The following GSE1 variants were observed in gnomAD, a reference collection of about 807,000 sequenced individuals.
GSE1 encodes the protein genetic suppressor element 1.
GSE1 carries 32 observed loss-of-function variants against 112.6 expected under a neutral mutation model. That is an observed-to-expected ratio of 0.28 (90% CI 0.21 to 0.38). The LOEUF (loss-of-function observed/expected upper bound fraction) is 0.38, where lower values mean the gene tolerates loss of function less well. Among genes scored for constraint, GSE1 ranks in the 10% least tolerant of loss-of-function variants. GSE1 has a pLI of 1.00. For synonymous variants in GSE1, 1,115 were observed against 735.6 expected, an observed-to-expected ratio of 1.52 and a Z score of -8.35; for missense variants, 2,348 against 1,699.2, an observed-to-expected ratio of 1.38 and a Z score of -6.71.
chr16:85,312,389 C>A (rs1053678784), intron 1 of GSE1, among the ~76,000 whole-genome samples: 13 of 152,168 alleles, frequency 8.5e-5, no homozygotes, highest in African/African-American at 4.8e-5. Context: ...GGCTCGGGGA[C>A]CCGTCCTGCC....
intron 1 of GSE1, among the ~76,000 whole-genome samples, chr16:85,284,591 A>T (rs1353333690): frequency 6.6e-6 from 1 of 152,202 alleles, no homozygotes; most frequent in East Asian, 1.9e-4. Flanking sequence ...CTCGGTGCAG[A>T]TGCTGTATTC....
chr16:85,669,550 C>T (rs1275484999), intron 14 of GSE1, among the ~76,000 whole-genome samples: 1 of 152,154 alleles, frequency 6.6e-6, no homozygotes, highest in East Asian at 1.9e-4. Flanking sequence ...GCACCACCCC[C>T]TACATGTTGC....
intron 1 of GSE1, among the ~76,000 whole-genome samples, chr16:85,584,526 C>A (rs972128567): frequency 1.3e-5 from 2 of 152,218 alleles, no homozygotes; most frequent in African/African-American, 4.8e-5. Flanking sequence ...CAGGATGCTG[C>A]TTTGAGAACG....
intron 2 of GSE1, among the ~76,000 whole-genome samples, chr16:85,367,286 C>T (rs1392029989): frequency 1.7e-4 from 26 of 152,216 alleles, no homozygotes; most frequent in Admixed American, 1.7e-3. Context: ...TCTGACCGAG[C>T]TCTGATTGTC....
chr16:85,556,358 T>TA lies in GSE1; in HGVS notation c.33dup (p.Pro12ThrfsTer65), dbSNP rs1411114952. ...GGATTGAAGCCGCCTCTGTATTACT[T>TA]ACCAGGTAAGCGAGCCGTGCGCCTC... On this transcript the variant is annotated frameshift_variant, in exon 1 of 3. Transcript: ENST00000635906. LOFTEE classifies it high-confidence loss of function. The TA allele has an allele frequency of 1.0e-6, 1 of 984,400 alleles. No individual in the cohort carries two copies. The highest frequency in any genetic ancestry group is 1.2e-6 in the Non-Finnish European group (1 of 829,440). The allele number at this position is 984,400 out of a possible 1,614,324, so 61.0% of individuals were successfully genotyped here.
Position 85,373,235 on chromosome 16 carries a change from C to T in GSE1, c.2464+15592C>T, listed in dbSNP as rs1030603706. 6.6e-6 allele frequency among the ~76,000 whole-genome samples: 1 copy of T among 152,172 alleles called. No homozygotes were observed. Among genetic ancestry groups the T allele is most frequent in the African/African-American group, 2.4e-5 (1 of 41,446 alleles). On this transcript the variant is annotated intron_variant, in intron 2 of 2. Transcript: ENST00000637419. This position sits in a 1 kb window ranked among gnomAD's most constrained non-coding sequence, Gnocchi z 5.1. ...AGGCCCAGCTGCCTCGAGGTGCTCC[C>T]AGGGATGGATCGCTCCATGCTGGGA...
At chr16:85,445,623 T>G (rs891408407) in intron 2 of GSE1, among the ~76,000 whole-genome samples, 1 of 152,212 alleles carries the variant, frequency 6.6e-6, no homozygotes, top group Admixed American at 6.5e-5. Context: ...GATTGCAGTT[T>G]GGGAGCAGCC....
In GSE1 at chr16:85,469,963, G is replaced by A. The variant is rs150993582; in HGVS notation, c.2464+112320G>A. On this transcript the variant is annotated intron_variant, in intron 2 of 2. Coordinates refer to the GSE1 transcript ENST00000637419. Reference sequence around the variant, plus strand: ...GACCCCATCCTCACTGTGGTTCCCCGCAGTGGCAACCGTGGAAATGGAGGG... The same window carrying A: ...GACCCCATCCTCACTGTGGTTCCCCACAGTGGCAACCGTGGAAATGGAGGG... Among the ~76,000 whole-genome samples, 509 of 152,272 alleles carry A rather than the reference G, an allele frequency of 3.3e-3. 8 individuals carry two copies. The highest frequency in any genetic ancestry group is 0.03 in the Admixed American group (456 of 15,292).
At chr16:85,279,560 C>T (rs375789241) in intron 1 of GSE1, among the ~76,000 whole-genome samples, 1 of 152,204 alleles carries the variant, frequency 6.6e-6, no homozygotes, top group African/African-American at 2.4e-5. Context: ...CGCACCACTG[C>T]ACTCCAGCCT....
At chr16:85,318,624 C>T (rs2046034716) in intron 1 of GSE1, among the ~76,000 whole-genome samples, 1 of 152,174 alleles carries the variant, frequency 6.6e-6, no homozygotes, top group South Asian at 2.1e-4. Flanking sequence ...TTGTGAGAAG[C>T]ACCTGGAACA....
At chr16:85,617,204 T>G (rs1447400084) in intron 1 of GSE1, among the ~76,000 whole-genome samples, 1 of 152,104 alleles carries the variant, frequency 6.6e-6, no homozygotes, top group Admixed American at 6.5e-5. Flanking sequence ...CATACTCCCA[T>G]GCCCACCCCG....
chr16:85,221,986 G>A (rs2075401998), intron 1 of GSE1, among the ~76,000 whole-genome samples: 1 of 152,184 alleles, frequency 6.6e-6, no homozygotes, highest in African/African-American at 2.4e-5. Flanking sequence ...TGGCCTCAGG[G>A]AGGGCCGGGG....
At chr16:85,565,012 C>T (rs2045679094) in intron 1 of GSE1, among the ~76,000 whole-genome samples, 2 of 152,038 alleles carry the variant, frequency 1.3e-5, no homozygotes, top group South Asian at 2.1e-4. Flanking sequence ...GTCGGAGCCA[C>T]GTCTTAAGAG....
chr16:85,660,021 G>A, intron 8 of GSE1, among the ~76,000 whole-genome samples: 1 of 152,260 alleles, frequency 6.6e-6, no homozygotes, highest in East Asian at 1.9e-4. Context: ...ACACTGGAAG[G>A]TTGTCTTGTG....
At chr16:85,664,858 T>A in intron 11 of GSE1, 157 bp from the exon 12 acceptor site, 1 of 610,534 alleles carries the variant, frequency 1.6e-6, no homozygotes, top group South Asian at 1.9e-5. Context: ...TTGAGATGGT[T>A]GCTTCCTTTC....
rs566240245 is a variant in GSE1 at position 85,373,220 on chromosome 16, G to A, written c.2464+15577G>A. Among the ~76,000 whole-genome samples, 33 of 152,312 alleles carry A rather than the reference G, an allele frequency of 2.2e-4. 2 individuals carry two copies. In the South Asian group the frequency reaches 6.0e-3, roughly 28 times the overall value. ...CAGGCGCCTGGTAGCAGGCCCAGCT[G>A]CCTCGAGGTGCTCCCAGGGATGGAT... is the stretch of plus-strand genomic sequence containing the variant. On this transcript the variant is annotated intron_variant, in intron 2 of 2. Transcript: ENST00000637419. This position sits in a 1 kb window ranked among gnomAD's most constrained non-coding sequence, Gnocchi z 5.1.
intron 2 of GSE1, among the ~76,000 whole-genome samples, chr16:85,640,667 G>A (rs1039055772): frequency 9.2e-5 from 14 of 152,388 alleles, no homozygotes; most frequent in African/African-American, 3.1e-4. Flanking sequence ...CTTCCACCGT[G>A]GAGCCGGCCT....
At chr16:85,264,491 C>G (rs566415032) in intron 1 of GSE1, among the ~76,000 whole-genome samples, 1 of 152,118 alleles carries the variant, frequency 6.6e-6, no homozygotes, top group Non-Finnish European at 1.5e-5. Context: ...CACCGCCTCC[C>G]TCCTCGGCCG....
intron 1 of GSE1, 90 bp downstream of exon 1, chr16:85,613,488 GGCC>G (rs1201847155): frequency 1.7e-6 from 2 of 1,159,220 alleles, no homozygotes; most frequent in Non-Finnish European, 2.4e-6. Flanking sequence ...TCGCGGGGGC[GGCC>G]GCCAACGGCT....
Sources: gnomAD v4.1 joint callset for allele counts (sites outside exome capture counted in the v4.1 genomes callset) on GRCh38, gnomAD v4.1.1 for gene constraint, Gnocchi (gnomAD v3.1) non-coding constraint, MANE v1.5 for transcripts, NCBI Gene and HGNC (gene_info 2026-07-23, HGNC 2026-07-21) for gene names.